CACNA1E: variants seen among roughly 807,000 people sequenced by gnomAD.
CACNA1E encodes the protein calcium voltage-gated channel subunit alpha1 E.
In CACNA1E, 40 loss-of-function variants were observed where a neutral mutation model predicts 259.2. The ratio of observed to expected loss-of-function variants is 0.15; its 90% CI spans 0.12 to 0.20. The LOEUF (loss-of-function observed/expected upper bound fraction) is 0.20. CACNA1E is among the 10% of genes least tolerant of loss of function. The pLI is 1.00. For synonymous variants in CACNA1E, 1,104 were observed against 1,138.5 expected (o/e 0.97, Z 0.61); for missense variants, 1,874 against 3,040.1 (o/e 0.62, Z 9.02).
intron 1 of CACNA1E, among the ~76,000 whole-genome samples, chr1:181,507,932 C>T (rs1435821324): frequency 6.6e-6 from 1 of 152,062 alleles, no homozygotes; most frequent in Admixed American, 6.5e-5. Flanking sequence ...TGTTAGGAAC[C>T]AGGACAGGGG....
rs1290686662 is a variant in CACNA1E at position 181,630,594 on chromosome 1, C to T, written c.952-20744C>T. On this transcript the variant is annotated intron_variant, in intron 6 of 47. Transcript: ENST00000367573. Reference sequence around the variant, plus strand: ...AGGCACTCCTCTGGAATCCTGAACACACTCCAGGCACCTCTCTTCTTACTG... The same window carrying T: ...AGGCACTCCTCTGGAATCCTGAACATACTCCAGGCACCTCTCTTCTTACTG... Among the ~76,000 whole-genome samples the T allele has an allele frequency of 9.9e-5, 15 of 152,236 alleles. No homozygotes were observed. In the East Asian group the frequency reaches 2.7e-3, roughly 28 times the overall value.
In CACNA1E at chr1:181,799,162, G is replaced by A. The variant is rs1558409293; in HGVS notation, c.*328G>A. 3 of 216,206 alleles carry A rather than the reference G, an allele frequency of 1.4e-5. No homozygotes were observed. The South Asian group carries it at 4.2e-4, about 30-fold the overall frequency. The allele number at this position is 216,206 out of a possible 1,614,324, so 13.4% of individuals were successfully genotyped here. A position where few individuals can be genotyped will look rare whatever the true frequency, so the allele number is the denominator to read the frequency against. On this transcript the variant is annotated 3_prime_UTR_variant, in exon 48 of 48. Transcript: ENST00000367573. ...GCCCCTTCCCACTTTTCTAAAAGCTGTGGAGGGATCTAGCTGGCCTATGTC... is the reference window on the plus strand; with the variant it reads ...GCCCCTTCCCACTTTTCTAAAAGCTATGGAGGGATCTAGCTGGCCTATGTC...
intron 7 of CACNA1E, among the ~76,000 whole-genome samples, chr1:181,673,961 T>C (rs1649083452): frequency 6.6e-6 from 1 of 152,154 alleles, no homozygotes; most frequent in Admixed American, 6.5e-5. Context: ...CCCGTTATTA[T>C]TGTTCAGTTC....
chr1:181,387,426 T>C (rs1374322996), intron 1 of CACNA1E, among the ~76,000 whole-genome samples: 1 of 152,200 alleles, frequency 6.6e-6, no homozygotes, highest in Non-Finnish European at 1.5e-5. Context: ...GCTTGAGGCA[T>C]AAAAGGAAAT....
At chr1:181,469,211 C>T (rs1662340956) in intron 2 of CACNA1E, among the ~76,000 whole-genome samples, 1 of 152,090 alleles carries the variant, frequency 6.6e-6, no homozygotes, top group African/African-American at 2.4e-5. Flanking sequence ...GATGAGGAGA[C>T]TCTGCCCATC....
At chr1:181,408,854 C>T (rs777977125) in intron 1 of CACNA1E, among the ~76,000 whole-genome samples, 12 of 152,166 alleles carry the variant, frequency 7.9e-5, no homozygotes, top group South Asian at 4.1e-4. Context: ...CTTTTAATTT[C>T]GAAGCAGGCC....
At chr1:181,779,638 A>ACCTT (rs1218715936) in intron 38 of CACNA1E, 1 of 264,608 alleles carries the variant, frequency 3.8e-6, no homozygotes, top group African/African-American at 2.2e-5. Context: ...ACATGAGGGA[A>ACCTT]CCTTCATGTT....
intron 6 of CACNA1E, among the ~76,000 whole-genome samples, chr1:181,636,540 G>A (rs1216609305): frequency 6.6e-6 from 1 of 152,184 alleles, no homozygotes; most frequent in East Asian, 1.9e-4. Flanking sequence ...GAATGGATGG[G>A]GGCTGGACCT....
chr1:181,600,357 G>C (rs1320835332), intron 6 of CACNA1E, among the ~76,000 whole-genome samples: 1 of 152,170 alleles, frequency 6.6e-6, no homozygotes. Context: ...AAGTCTTTGA[G>C]GTGCTTTGAA....
intron 2 of CACNA1E, among the ~76,000 whole-genome samples, chr1:181,474,536 T>G (rs1033739074): frequency 6.6e-6 from 1 of 151,612 alleles, no homozygotes; most frequent in Non-Finnish European, 1.5e-5. Flanking sequence ...TGGCAGAACG[T>G]GAGATCACAT....
At chr1:181,384,265 T>C (rs538912308) in intron 1 of CACNA1E, among the ~76,000 whole-genome samples, 1 of 152,204 alleles carries the variant, frequency 6.6e-6, no homozygotes, top group Non-Finnish European at 1.5e-5. Context: ...GGATACCTGC[T>C]GATTCACCTA....
At chr1:181,554,265 C>T (rs952886638) in intron 3 of CACNA1E, among the ~76,000 whole-genome samples, 9 of 152,150 alleles carry the variant, frequency 5.9e-5, no homozygotes, top group African/African-American at 9.7e-5. Flanking sequence ...CTCTCACCTC[C>T]GCTTCCCAAA....
At chr1:181,469,378 T>C (rs974588659) in intron 2 of CACNA1E, among the ~76,000 whole-genome samples, 6 of 151,870 alleles carry the variant, frequency 4.0e-5, no homozygotes, top group Admixed American at 3.9e-4. Flanking sequence ...TGTGCCCGAG[T>C]TAGGGGGAGA....
intron 7 of CACNA1E, among the ~76,000 whole-genome samples, chr1:181,671,699 GA>G (rs1292880021): frequency 1.3e-5 from 2 of 152,262 alleles, no homozygotes; most frequent in East Asian, 3.9e-4. Context: ...CAGTTACTCT[GA>G]AGATGTGATT....
intron 6 of CACNA1E, among the ~76,000 whole-genome samples, chr1:181,612,242 G>A (rs1654814507): frequency 6.6e-6 from 1 of 152,160 alleles, no homozygotes; most frequent in African/African-American, 2.4e-5. Context: ...CTCTGGAGGG[G>A]AGCAGGCTGA....
At chr1:181,686,282 T>TTTTTTTTTTTTG (rs1650540197) in intron 7 of CACNA1E, among the ~76,000 whole-genome samples, 2 of 124,062 alleles carry the variant, frequency 1.6e-5, no homozygotes, top group African/African-American at 6.5e-5. Context: ...CAAGTTTTTT[T>TTTTTTTTTTTTG]TTTTTTTTTT....
rs1453995629 is a variant in CACNA1E at position 181,802,135 on chromosome 1, T to C, written c.*3301T>C. 1.3e-5 allele frequency: 2 copies of C among 152,186 alleles called. No individual in the cohort carries two copies. Among genetic ancestry groups the C allele is most frequent in the Non-Finnish European group, 2.9e-5 (2 of 68,036 alleles). The allele number at this position is 152,186 out of a possible 1,614,324, so 9.4% of individuals were successfully genotyped here. A position where few individuals can be genotyped will look rare whatever the true frequency, so the allele number is the denominator to read the frequency against. Reference sequence around the variant, plus strand: ...CCTGAGCCAGGGTCAACATAGAATTTCCTGCCCCGTGAAGGGCTGGCACCA... The same window carrying C: ...CCTGAGCCAGGGTCAACATAGAATTCCCTGCCCCGTGAAGGGCTGGCACCA... On this transcript the variant is annotated 3_prime_UTR_variant, in exon 48 of 48. Transcript: ENST00000367573.
At chr1:181,595,827 C>A (rs1178269460) in intron 6 of CACNA1E, among the ~76,000 whole-genome samples, 1 of 152,132 alleles carries the variant, frequency 6.6e-6, no homozygotes, top group Non-Finnish European at 1.5e-5. Flanking sequence ...GCCTGCCTGC[C>A]ACTTGGCGCT....
chr1:181,573,038 G>T (rs1377006769), intron 3 of CACNA1E, among the ~76,000 whole-genome samples: 1 of 152,130 alleles, frequency 6.6e-6, no homozygotes, highest in Non-Finnish European at 1.5e-5. Context: ...TGGCAGGGTG[G>T]GGAAAGGACT....
Sources: gnomAD v4.1 joint callset for allele counts (sites outside exome capture counted in the v4.1 genomes callset) on GRCh38, gnomAD v4.1.1 for gene constraint, MANE v1.5 for transcripts, NCBI Gene and HGNC (gene_info 2026-07-23, HGNC 2026-07-21) for gene names.